DSCAM: variants seen among roughly 807,000 people sequenced by gnomAD.
DSCAM encodes the protein cell adhesion molecule DSCAM.
A neutral mutation model predicts 217.7 loss-of-function variants in DSCAM; 47 were observed. The observed-to-expected ratio is 0.22, with a 90% confidence interval of 0.17 to 0.28. The LOEUF (loss-of-function observed/expected upper bound fraction) is 0.28. DSCAM is among the 10% of genes least tolerant of loss of function. DSCAM has a pLI of 1.00. For synonymous variants in DSCAM, 1,056 were observed against 1,015.3 expected (o/e 1.04, Z -0.76); for missense variants, 2,080 against 2,618.3 (o/e 0.79, Z 4.49).
chr21:40,140,853 A>G (rs2090281002), intron 18 of DSCAM, among the ~76,000 whole-genome samples: 1 of 151,996 alleles, frequency 6.6e-6, no homozygotes, highest in African/African-American at 2.4e-5. Flanking sequence ...ACAGGGACAG[A>G]CACAGCAACC....
intron 11 of DSCAM, among the ~76,000 whole-genome samples, chr21:40,275,615 T>C (rs1300986826): frequency 6.6e-6 from 1 of 152,200 alleles, no homozygotes. Flanking sequence ...TGTCTTGTAG[T>C]TGTTCGCTAG....
chr21:40,780,771 T>G (rs1051044690), intron 1 of DSCAM, among the ~76,000 whole-genome samples: 1 of 152,000 alleles, frequency 6.6e-6, no homozygotes, highest in Non-Finnish European at 1.5e-5. Flanking sequence ...CGCTGACACC[T>G]TGGTCTCAGA....
chr21:40,511,558 A>T (rs1413317379), intron 3 of DSCAM, among the ~76,000 whole-genome samples: 3 of 152,210 alleles, frequency 2.0e-5, no homozygotes, highest in East Asian at 1.9e-4. Context: ...TAGAATCACT[A>T]ATGTTGTTTT....
chr21:40,543,963 A>C (rs996983441), intron 3 of DSCAM, among the ~76,000 whole-genome samples: 10 of 152,148 alleles, frequency 6.6e-5, no homozygotes, highest in Admixed American at 3.3e-4. Flanking sequence ...CTGTTCTTTC[A>C]AAAGCTAACT....
chr21:40,199,387 C>G (rs539472106), intron 11 of DSCAM, among the ~76,000 whole-genome samples: 20 of 152,240 alleles, frequency 1.3e-4, no homozygotes, highest in Middle Eastern at 3.4e-3. Flanking sequence ...TTTTCTTTAT[C>G]CAGTCTATCA....
intron 20 of DSCAM, among the ~76,000 whole-genome samples, chr21:40,115,686 T>C (rs1194687712): frequency 6.6e-6 from 1 of 152,184 alleles, no homozygotes; most frequent in Non-Finnish European, 1.5e-5. Flanking sequence ...GAAAAAGGGA[T>C]GCTCATACAC....
At chr21:40,597,878 T>C (rs1432471563) in intron 3 of DSCAM, among the ~76,000 whole-genome samples, 1 of 152,184 alleles carries the variant, frequency 6.6e-6, no homozygotes, top group Non-Finnish European at 1.5e-5. Flanking sequence ...TCCCATGCAC[T>C]GTCCCCTGCC....
chr21:40,324,103 C>CAAA (rs71330393), intron 8 of DSCAM, among the ~76,000 whole-genome samples: 100 of 27,932 alleles, frequency 3.6e-3, no homozygotes, highest in Admixed American at 6.6e-3. Context: ...AACTCTGTCT[C>CAAA]AAAAAAAAAA....
intron 10 of DSCAM, among the ~76,000 whole-genome samples, chr21:40,287,606 T>C (rs2073844028): frequency 1.3e-5 from 2 of 152,212 alleles, no homozygotes; most frequent in African/African-American, 4.8e-5. Flanking sequence ...TTTAGTTAAC[T>C]GTCTGGAGTG....
chr21:40,771,937 A>T (rs1165700726), intron 1 of DSCAM, among the ~76,000 whole-genome samples: 1 of 152,208 alleles, frequency 6.6e-6, no homozygotes, highest in Non-Finnish European at 1.5e-5. Flanking sequence ...TTTATGATGT[A>T]ATCTTTATGC....
rs564142027 is a variant in DSCAM at position 40,568,869 on chromosome 21, G to T, written c.508+123941C>A. 5.7e-4 allele frequency among the ~76,000 whole-genome samples: 87 copies of T among 152,240 alleles called. No individual in the cohort carries two copies. The South Asian group carries it at 0.018, about 32-fold the overall frequency. On this transcript the variant is annotated intron_variant, in intron 3 of 32. Coordinates refer to ENST00000400454, the MANE Select transcript of DSCAM (RefSeq NM_001389.5). ...CTGGAAGAAGGGGGTCCTCCTTTCT[G>T]TTACCACGAGGGCTGTAGCAGGAGG...
intron 1 of DSCAM, among the ~76,000 whole-genome samples, chr21:40,775,607 ATGTTTCTTCTGC>A (rs1445216101): frequency 6.6e-6 from 1 of 152,144 alleles, no homozygotes; most frequent in Non-Finnish European, 1.5e-5. Context: ...GCTGGGACAG[ATGTTTCTTCTGC>A]TGCCTTGGAC....
intron 3 of DSCAM, among the ~76,000 whole-genome samples, chr21:40,545,701 T>G (rs1421610582): frequency 6.6e-6 from 1 of 152,184 alleles, no homozygotes; most frequent in East Asian, 1.9e-4. Flanking sequence ...CCCAGCACAC[T>G]GCAGGCATTG....
intron 28 of DSCAM, among the ~76,000 whole-genome samples, chr21:40,056,573 T>C (rs1415497187): frequency 6.6e-6 from 1 of 152,032 alleles, no homozygotes; most frequent in Non-Finnish European, 1.5e-5. Flanking sequence ...TGCACAAAAA[T>C]CTAAAAAAGT....
Position 40,349,210 on chromosome 21 carries a change from T to C in DSCAM, c.935-1265A>G, listed in dbSNP as rs1203416823. ...ACCTAAGTATTGATCATATAAATCC[T>C]AATTTGCCTTGTCCCAAGGTGGCAC... On this transcript the variant is annotated intron_variant, in intron 5 of 32. Coordinates refer to ENST00000400454, the MANE Select transcript of DSCAM (RefSeq NM_001389.5). 2.0e-5 allele frequency among the ~76,000 whole-genome samples: 3 copies of C among 148,646 alleles called. No homozygotes were observed. The East Asian group carries it at 6.0e-4, about 30-fold the overall frequency.
chr21:40,417,777 A>G (rs1341822107), intron 3 of DSCAM, among the ~76,000 whole-genome samples: 1 of 152,228 alleles, frequency 6.6e-6, no homozygotes, highest in African/African-American at 2.4e-5. Flanking sequence ...TCCCTTTCAC[A>G]TAAGTACATC....
intron 11 of DSCAM, among the ~76,000 whole-genome samples, chr21:40,195,472 T>C (rs1422706612): frequency 1.3e-5 from 2 of 152,114 alleles, no homozygotes; most frequent in African/African-American, 4.8e-5. Flanking sequence ...AGAAAGGGTG[T>C]CAAATGCCCA....
At chr21:40,183,553 G>C (rs1209112323) in intron 14 of DSCAM, among the ~76,000 whole-genome samples, 2 of 152,164 alleles carry the variant, frequency 1.3e-5, no homozygotes, top group African/African-American at 4.8e-5. Flanking sequence ...GTAAACCAAG[G>C]AAAGTCATCT....
At chr21:40,376,409 TCATATATATCTTATATA>T (rs1569092613) in intron 3 of DSCAM, among the ~76,000 whole-genome samples, 6 of 146,368 alleles carry the variant, frequency 4.1e-5, no homozygotes, top group Non-Finnish European at 7.5e-5. Context: ...TATATCTATA[TCATATATATCTTATATA>T]GATATCTATA....
Sources: allele counts gnomAD v4.1 joint callset (sites outside exome capture counted in the v4.1 genomes callset), GRCh38; gene constraint gnomAD v4.1.1; transcripts MANE v1.5; gene names NCBI Gene and HGNC (gene_info 2026-07-23, HGNC 2026-07-21).